Variants in MYRFL observed in about 807,000 individuals in gnomAD.
MYRFL encodes the protein myelin regulatory factor like.
A neutral mutation model predicts 109.4 loss-of-function variants in MYRFL; 88 were observed. The observed-to-expected ratio is 0.80, with a 90% CI of 0.68 to 0.96. The LOEUF (loss-of-function observed/expected upper bound fraction) is 0.96. Among genes scored for constraint, MYRFL ranks in the 40% least tolerant of loss-of-function variants. The pLI is 0.00. For missense variants in MYRFL, 957 were observed against 954.9 expected (o/e 1.00, Z -0.03); for synonymous variants, 324 against 320.9 (o/e 1.01, Z -0.10).
intron 2 of MYRFL, among the ~76,000 whole-genome samples, chr12:69,864,652 CACACACACACACACACAA>C (rs1300377893): frequency 0.029 from 881 of 30,386 alleles, 12 homozygotes; most frequent in East Asian, 0.16. Context: ...CACACACACA[CACACACACACACACACAA>C]ACACACACAC....
intron 19 of MYRFL, chr12:69,946,822 G>T (rs1264326173): frequency 6.6e-6 from 1 of 152,196 alleles, no homozygotes; most frequent in African/African-American, 2.4e-5. Context: ...TGAAATCTGG[G>T]TCCCCCACTT....
At chr12:69,861,821 C>T (rs1376406274) in intron 2 of MYRFL, among the ~76,000 whole-genome samples, 1 of 150,406 alleles carries the variant, frequency 6.6e-6, no homozygotes, top group Non-Finnish European at 1.5e-5. Context: ...GAAGTCCTTG[C>T]CCATGCCTAT....
At chr12:69,924,439 T>G (rs1955007469) in intron 13 of MYRFL, among the ~76,000 whole-genome samples, 1 of 152,158 alleles carries the variant, frequency 6.6e-6, no homozygotes, top group African/African-American at 2.4e-5. Flanking sequence ...TATAGAGATA[T>G]TCTTCCTTTC....
intron 2 of MYRFL, among the ~76,000 whole-genome samples, chr12:69,873,107 C>G (rs566528314): frequency 6.6e-6 from 1 of 152,242 alleles, no homozygotes; most frequent in Non-Finnish European, 1.5e-5. Context: ...TCTTTCTTTA[C>G]AGTTTCATGA....
chr12:69,879,015 C>T lies in MYRFL; in HGVS notation c.138-13C>T. The T allele has an allele frequency of 2.8e-6, 2 of 702,882 alleles. No homozygotes were observed. Among genetic ancestry groups the T allele is most frequent in the Admixed American group, 2.0e-5 (1 of 50,002 alleles). 43.5% of individuals were successfully genotyped at this position (702,882 alleles called of 1,614,324 possible). ...AGTGAAACAAAAACGCAATGTATGT[C>T]TCTAATCTTCAGGCAACGCCAGCTC... On this transcript the variant is annotated splice_polypyrimidine_tract_variant and intron_variant, in intron 2 of 24. Coordinates refer to ENST00000552032, the MANE Select transcript of MYRFL (RefSeq NM_182530.3).
At chr12:69,843,400 C>T (rs983188742) in intron 1 of MYRFL, among the ~76,000 whole-genome samples, 3 of 152,132 alleles carry the variant, frequency 2.0e-5, no homozygotes, top group Admixed American at 6.5e-5. Flanking sequence ...ATTCTCTGGG[C>T]GTCACTGTGT....
intron 2 of MYRFL, among the ~76,000 whole-genome samples, chr12:69,868,932 A>T (rs1885177050): frequency 6.6e-6 from 1 of 151,820 alleles, no homozygotes; most frequent in African/African-American, 2.4e-5. Context: ...ACTCACACGT[A>T]CACACAGATA....
At chr12:69,902,056 G>A (rs1954212239) in intron 10 of MYRFL, among the ~76,000 whole-genome samples, 1 of 151,950 alleles carries the variant, frequency 6.6e-6, no homozygotes, top group Admixed American at 6.6e-5. Context: ...ACCACACATG[G>A]CTAATTTTTG....
At chr12:69,887,002 G>A (rs750241436) in intron 6 of MYRFL, 32 bp downstream of exon 6, 22 of 1,533,358 alleles carry the variant, frequency 1.4e-5, no homozygotes, top group Middle Eastern at 1.7e-4. Flanking sequence ...GAGAGTGAGG[G>A]GAGAAAGACA....
chr12:69,890,959 C>G lies in MYRFL; in HGVS notation c.708-12C>G, dbSNP rs1886760405. 5.6e-6 allele frequency: 8 copies of G among 1,437,380 alleles called. No homozygotes were observed. In the East Asian group the frequency reaches 2.0e-4, roughly 36 times the overall value. The allele number at this position is 1,437,380 out of a possible 1,614,324, so 89.0% of individuals were successfully genotyped here. On this transcript the variant is annotated splice_polypyrimidine_tract_variant and intron_variant, in intron 6 of 24. Transcript: ENST00000552032. ...ATTTGTAAAACTGGTTTCTTGGTTTCTCTTTTCATAGACCTGATGTGGGCT... is the reference window on the plus strand; with the variant it reads ...ATTTGTAAAACTGGTTTCTTGGTTTGTCTTTTCATAGACCTGATGTGGGCT...
intron 23 of MYRFL, 144 bp from the exon 24 acceptor site, chr12:69,958,105 G>C: frequency 8.5e-7 from 1 of 1,170,436 alleles, no homozygotes; most frequent in Non-Finnish European, 1.2e-6. Context: ...TCTGTTGCTA[G>C]GACTGTTCTA....
chr12:69,941,561 A>G (rs1330762538), intron 19 of MYRFL, among the ~76,000 whole-genome samples: 21 of 79,192 alleles, frequency 2.7e-4, no homozygotes, highest in African/African-American at 8.6e-4. Flanking sequence ...TTATAGCACT[A>G]AATGCCCACA....
rs182752372 is a variant in MYRFL, at chr12:69,868,130, G to A, written c.138-10898G>A. On this transcript the variant is annotated intron_variant, in intron 2 of 24. Coordinates refer to ENST00000552032, the MANE Select transcript of MYRFL (RefSeq NM_182530.3). ...TTTTCTTTTTTTTTTTTTTTGAGAC[G>A]GAGTCTCGCTCTGTTGCCCAGTCTG... is the stretch of plus-strand genomic sequence containing the variant. 4.7e-3 allele frequency among the ~76,000 whole-genome samples: 685 copies of A among 144,618 alleles called. 6 individuals are homozygous for A. The highest frequency in any genetic ancestry group is 0.017 in the African/African-American group (661 of 37,840). The allele number at this position is 144,618 out of a possible 152,430, so 94.9% of individuals were successfully genotyped here.
intron 5 of MYRFL, among the ~76,000 whole-genome samples, chr12:69,884,435 A>T (rs1423773283): frequency 6.6e-6 from 1 of 152,154 alleles, no homozygotes; most frequent in African/African-American, 2.4e-5. Flanking sequence ...AGCTGCTGTG[A>T]TACCCTTACT....
chr12:69,958,653 A>AC lies in MYRFL; in HGVS notation c.*123dup. Reference sequence around the variant, plus strand: ...AAACATTTACGTTTATTGCTGAAGGACTTTTTCAGGCTTTAGCTTCCAACA... The same window carrying AC: ...AAACATTTACGTTTATTGCTGAAGGACCTTTTTCAGGCTTTAGCTTCCAACA... On this transcript the variant is annotated 3_prime_UTR_variant, in exon 25 of 25. Transcript: ENST00000552032. The AC allele has an allele frequency of 1.4e-6, 1 of 711,498 alleles. No homozygotes were observed. Among genetic ancestry groups the AC allele is most frequent in the South Asian group, 2.0e-5 (1 of 50,292 alleles). The allele number at this position is 711,498 out of a possible 1,614,324, so 44.1% of individuals were successfully genotyped here.
chr12:69,932,709 C>A, intron 16 of MYRFL, 111 bp downstream of exon 16: 1 of 757,592 alleles, frequency 1.3e-6, no homozygotes, highest in South Asian at 1.8e-5. Context: ...ACAAGAAGCC[C>A]TTTAAACTAG....
At chr12:69,907,848 T>C (rs577328603) in intron 11 of MYRFL, among the ~76,000 whole-genome samples, 1 of 152,298 alleles carries the variant, frequency 6.6e-6, no homozygotes, top group South Asian at 2.1e-4. Flanking sequence ...TGGCACATAG[T>C]AGCTACTCAA....
chr12:69,935,990 C>T (rs912093160), intron 16 of MYRFL, 123 bp from the exon 17 acceptor site: 3 of 1,192,028 alleles, frequency 2.5e-6, no homozygotes, highest in Non-Finnish European at 3.4e-6. Context: ...ATCCCCTCCC[C>T]CCTGCTCCCA....
At chr12:69,892,092 A>G (rs534717643) in intron 7 of MYRFL, among the ~76,000 whole-genome samples, 5 of 152,206 alleles carry the variant, frequency 3.3e-5, no homozygotes, top group Admixed American at 6.5e-5. Context: ...ATTCTTAATT[A>G]TTTTATTTTT....
Sources: allele counts gnomAD v4.1 joint callset (sites outside exome capture counted in the v4.1 genomes callset), GRCh38; gene constraint gnomAD v4.1.1; transcripts MANE v1.5; gene names NCBI Gene and HGNC (gene_info 2026-07-23, HGNC 2026-07-21).